Variants in CSMD1 observed in about 807,000 individuals in gnomAD.
CSMD1 encodes the protein CUB and sushi domain-containing protein 1.
CSMD1 carries 213 observed loss-of-function variants against 417.5 expected under a neutral mutation model. The observed-to-expected ratio is 0.51, with a 90% confidence interval of 0.46 to 0.57. CSMD1 has a LOEUF of 0.57. Among genes scored for constraint, CSMD1 ranks in the 20% least tolerant of loss-of-function variants. The pLI is 0.00. For synonymous variants in CSMD1, 2,862 were observed against 1,736.8 expected, an observed-to-expected ratio of 1.65 and a Z score of -16.11; for missense variants, 6,923 against 4,529.7, an observed-to-expected ratio of 1.53 and a Z score of -15.17.
At chr8:3,342,387 T>A (rs1008324146) in intron 23 of CSMD1, among the ~76,000 whole-genome samples, 1 of 152,194 alleles carries the variant, frequency 6.6e-6, no homozygotes, top group African/African-American at 2.4e-5. Context: ...AAACCCAAAC[T>A]TTTAAATTTC....
intron 5 of CSMD1, among the ~76,000 whole-genome samples, chr8:3,983,359 T>C (rs953229442): frequency 6.6e-5 from 10 of 152,102 alleles, no homozygotes; most frequent in African/African-American, 1.9e-4. Flanking sequence ...CTCCATCTCC[T>C]GACCTCGTGA....
chr8:3,627,229 A>T (rs865813449), intron 7 of CSMD1, among the ~76,000 whole-genome samples: 1 of 152,190 alleles, frequency 6.6e-6, no homozygotes, highest in Non-Finnish European at 1.5e-5. Context: ...AACTGAGTTT[A>T]AGATTGTGAT....
At chr8:3,872,686 C>A (rs1805555777) in intron 5 of CSMD1, among the ~76,000 whole-genome samples, 1 of 152,062 alleles carries the variant, frequency 6.6e-6, no homozygotes, top group African/African-American at 2.4e-5. Context: ...TCATGAAGAG[C>A]CTCGTGCTAC....
At chr8:3,149,296 T>G (rs1420928561) in intron 40 of CSMD1, among the ~76,000 whole-genome samples, 1 of 152,194 alleles carries the variant, frequency 6.6e-6, no homozygotes, top group Non-Finnish European at 1.5e-5. Flanking sequence ...TTTATACCAA[T>G]TTTATTTTAT....
At chr8:3,936,119 G>C (rs573465348) in intron 5 of CSMD1, among the ~76,000 whole-genome samples, 40 of 151,374 alleles carry the variant, frequency 2.6e-4, no homozygotes, top group Admixed American at 1.3e-3. Context: ...TCTGAAGGTA[G>C]AGAGAAGTAA....
intron 3 of CSMD1, among the ~76,000 whole-genome samples, chr8:4,340,916 C>T (rs188455262): frequency 6.8e-4 from 103 of 152,038 alleles, no homozygotes; most frequent in East Asian, 3.5e-3. Flanking sequence ...GGAACTCAAG[C>T]GGAGAGATTT....
chr8:3,090,315 T>TAAA (rs1814852742), intron 48 of CSMD1, among the ~76,000 whole-genome samples: 1 of 15,042 alleles, frequency 6.6e-5, no homozygotes. Context: ...AGACTGTATT[T>TAAA]CAAAAAAAAA....
intron 7 of CSMD1, among the ~76,000 whole-genome samples, chr8:3,706,920 C>G (rs1585108118): frequency 6.6e-6 from 1 of 151,968 alleles, no homozygotes; most frequent in South Asian, 2.1e-4. Flanking sequence ...CATCCTTTTC[C>G]AATCTAATTT....
intron 50 of CSMD1, among the ~76,000 whole-genome samples, chr8:3,035,013 G>A (rs1810579622): frequency 6.6e-6 from 1 of 151,428 alleles, no homozygotes; most frequent in African/African-American, 2.4e-5. Context: ...AAAGGCAGTT[G>A]CAGTAAACAT....
intron 5 of CSMD1, among the ~76,000 whole-genome samples, chr8:3,976,889 G>A (rs913968442): frequency 1.3e-5 from 2 of 152,102 alleles, no homozygotes; most frequent in Non-Finnish European, 2.9e-5. Context: ...TGTGTACCTT[G>A]AATTTGTTTG....
chr8:3,523,380 G>A (rs1275573077), intron 10 of CSMD1, among the ~76,000 whole-genome samples: 1 of 152,188 alleles, frequency 6.6e-6, no homozygotes, highest in Non-Finnish European at 1.5e-5. Context: ...GGAACTTTGA[G>A]GGACAAAGAA....
At chr8:3,690,961 T>A (rs1033532787) in intron 7 of CSMD1, among the ~76,000 whole-genome samples, 1 of 152,176 alleles carries the variant, frequency 6.6e-6, no homozygotes, top group Non-Finnish European at 1.5e-5. Context: ...ATGATTTGAC[T>A]GGTTAATGCA....
chr8:4,696,781 T>C (rs1411316520), intron 1 of CSMD1, among the ~76,000 whole-genome samples: 1 of 152,224 alleles, frequency 6.6e-6, no homozygotes, highest in Admixed American at 6.5e-5. Flanking sequence ...AAGGACTGCA[T>C]CAGTGAATGT....
Position 2,957,702 on chromosome 8 carries a change from A to G in CSMD1, c.9808T>C (p.Cys3270Arg). 6.3e-7 allele frequency: 1 copy of G among 1,579,690 alleles called. No individual in the cohort carries two copies. Among genetic ancestry groups the G allele is most frequent in the Non-Finnish European group, 8.6e-7 (1 of 1,158,798 alleles). Residue 3270 changes from cysteine to arginine, a missense_variant, in exon 63 of 70, where the codon TGT (cysteine) becomes CGT (arginine). By Grantham distance (180) the Cys-to-Arg change is radical (BLOSUM62 -3). Transcript: ENST00000635120. ...TGGAAGAAATCACACTTACGTATAC[A>G]TTCGGTCTGTATCCCACTCCATGTT... ...NLTWSGIQTE[C>R]IPHACRQPET...
chr8:4,118,883 C>T (rs1802314659), intron 3 of CSMD1, among the ~76,000 whole-genome samples: 1 of 152,162 alleles, frequency 6.6e-6, no homozygotes, highest in South Asian at 2.1e-4. Flanking sequence ...AAATGTGGCA[C>T]ATATACACCA....
At chr8:3,381,846 G>A (rs183130728) in intron 18 of CSMD1, among the ~76,000 whole-genome samples, 1 of 152,272 alleles carries the variant, frequency 6.6e-6, no homozygotes, top group East Asian at 1.9e-4. Flanking sequence ...ATTTTAGAAT[G>A]TCTATTTTCA....
rs917847450 is a variant in CSMD1 at position 4,731,286 on chromosome 8, C to G, written c.86-93728G>C. The stretch of plus-strand genomic sequence containing the variant: ...TTTTGTCTTGGTTAGAGGCCACCTT[C>G]CTCATGGGATCCGTCTTTGGAATCA... On this transcript the variant is annotated intron_variant, in intron 1 of 69. Transcript: ENST00000635120. Among the ~76,000 whole-genome samples, 3 of 152,302 alleles carry G rather than the reference C, an allele frequency of 2.0e-5. No individual in the cohort carries two copies. In the East Asian group the frequency reaches 5.8e-4, roughly 29 times the overall value.
At chr8:4,828,370 T>G (rs965388544) in intron 1 of CSMD1, among the ~76,000 whole-genome samples, 1 of 152,200 alleles carries the variant, frequency 6.6e-6, no homozygotes, top group Non-Finnish European at 1.5e-5. Context: ...GACCTGAATA[T>G]GGAAGACCAC....
intron 2 of CSMD1, among the ~76,000 whole-genome samples, chr8:4,540,383 T>TA (rs1412999097): frequency 6.6e-6 from 1 of 151,884 alleles, no homozygotes; most frequent in Non-Finnish European, 1.5e-5. Context: ...GCATGAAAAT[T>TA]AAAAAATAAC....
Sources: gnomAD v4.1 joint callset for allele counts (sites outside exome capture counted in the v4.1 genomes callset) on GRCh38, gnomAD v4.1.1 for gene constraint, MANE v1.5 for transcripts, NCBI Gene and HGNC (gene_info 2026-07-23, HGNC 2026-07-21) for gene names.